Variants in CNBD1 observed in about 807,000 individuals in gnomAD.
CNBD1 encodes the protein cyclic nucleotide binding domain containing 1, also known as cyclic nucleotide-binding domain-containing protein 1.
CNBD1 carries 71 observed loss-of-function variants against 54.4 expected under a neutral mutation model. The ratio of observed to expected loss-of-function variants is 1.30; its 90% CI spans 1.08 to 1.59. The LOEUF (loss-of-function observed/expected upper bound fraction) is 1.59, where lower values mean the gene tolerates loss of function less well. Ranked by LOEUF, CNBD1 falls within the 40% of genes most tolerant of loss-of-function variation. The probability of loss-of-function intolerance (pLI) is 0.00; values close to 1 mark genes in which losing one functional copy is unlikely to be tolerated. For missense variants in CNBD1, 659 were observed against 518.0 expected (o/e 1.27, Z -2.64); for synonymous variants, 182 against 170.7 (o/e 1.07, Z -0.51).
chr8:86,938,536 CAA>C (rs1809591921), intron 3 of CNBD1, among the ~76,000 whole-genome samples: 2 of 152,196 alleles, frequency 1.3e-5, no homozygotes, highest in African/African-American at 2.4e-5. Flanking sequence ...GGCAAATGAG[CAA>C]AGTCATGTCT....
At chr8:86,991,260 C>A (rs912490499) in intron 4 of CNBD1, among the ~76,000 whole-genome samples, 1 of 152,056 alleles carries the variant, frequency 6.6e-6, no homozygotes, top group Non-Finnish European at 1.5e-5. Context: ...TATTCCAGAT[C>A]TTAAAGGAAA....
At chr8:87,160,171 T>C (rs1240698279) in intron 4 of CNBD1, among the ~76,000 whole-genome samples, 1 of 152,048 alleles carries the variant, frequency 6.6e-6, no homozygotes, top group African/African-American at 2.4e-5. Flanking sequence ...ATGGAAATAG[T>C]ATTGTGAAAA....
intron 8 of CNBD1, among the ~76,000 whole-genome samples, chr8:87,294,860 C>A: frequency 6.6e-6 from 1 of 152,018 alleles, no homozygotes; most frequent in East Asian, 1.9e-4. Context: ...TCTAAAGGTA[C>A]AAATTCAGAA....
chr8:86,941,165 A>C (rs963151411), intron 4 of CNBD1, among the ~76,000 whole-genome samples: 2 of 152,220 alleles, frequency 1.3e-5, no homozygotes, highest in African/African-American at 2.4e-5. Flanking sequence ...AACAAAAAGG[A>C]AACAATGAAT....
chr8:87,014,099 C>T (rs1289130949), intron 4 of CNBD1, among the ~76,000 whole-genome samples: 1 of 151,352 alleles, frequency 6.6e-6, no homozygotes, highest in Non-Finnish European at 1.5e-5. Flanking sequence ...ATATGAAGAG[C>T]TCTAATCAAC....
intron 6 of CNBD1, among the ~76,000 whole-genome samples, chr8:87,265,320 G>A (rs1410150580): frequency 6.6e-6 from 1 of 151,980 alleles, no homozygotes; most frequent in Non-Finnish European, 1.5e-5. Context: ...TAGATATGTG[G>A]CGTTATTTCT....
chr8:87,395,676 A>G (rs1004883515), intron 2 of CNBD1, among the ~76,000 whole-genome samples: 16 of 151,858 alleles, frequency 1.1e-4, no homozygotes, highest in East Asian at 5.8e-4. Flanking sequence ...AGTATTTCCC[A>G]TGCATTTTAG....
intron 4 of CNBD1, among the ~76,000 whole-genome samples, chr8:87,205,242 C>A (rs891751672): frequency 1.3e-5 from 2 of 152,062 alleles, no homozygotes; most frequent in African/African-American, 4.8e-5. Flanking sequence ...CCATGTTGGC[C>A]AGGATAGTCT....
intron 2 of CNBD1, among the ~76,000 whole-genome samples, chr8:87,408,319 G>T (rs1020544084): frequency 6.6e-6 from 1 of 151,794 alleles, no homozygotes; most frequent in African/African-American, 2.4e-5. Flanking sequence ...CTCCTGTGCT[G>T]TCTCCATTTC....
At chr8:87,266,028 A>C (rs1419916825) in intron 6 of CNBD1, among the ~76,000 whole-genome samples, 1 of 152,102 alleles carries the variant, frequency 6.6e-6, no homozygotes, top group Non-Finnish European at 1.5e-5. Context: ...AATATAGTAC[A>C]CTGTAAGCCA....
At chr8:87,087,275 G>GTATATATATATA (rs371657712) in intron 4 of CNBD1, among the ~76,000 whole-genome samples, 1 of 132,162 alleles carries the variant, frequency 7.6e-6, no homozygotes, top group Non-Finnish European at 1.6e-5. Flanking sequence ...ATATATATAC[G>GTATATATATATA]TATATATATA....
chr8:87,133,738 A>T (rs535045971), intron 4 of CNBD1, among the ~76,000 whole-genome samples: 3 of 152,054 alleles, frequency 2.0e-5, no homozygotes, highest in East Asian at 1.9e-4. Context: ...TGGATTTAAA[A>T]TTTTTTTTAT....
intron 10 of CNBD1, among the ~76,000 whole-genome samples, chr8:87,375,127 T>C (rs896455766): frequency 1.3e-5 from 2 of 151,904 alleles, no homozygotes; most frequent in African/African-American, 2.4e-5. Context: ...ATATACACTA[T>C]TGCATCTAAG....
intron 8 of CNBD1, among the ~76,000 whole-genome samples, chr8:87,298,268 A>T (rs763322537): frequency 1.5e-4 from 23 of 152,038 alleles, no homozygotes; most frequent in Non-Finnish European, 2.9e-4. Flanking sequence ...GATTCATGGT[A>T]TCATAAATTT....
chr8:86,945,531 G>A (rs1327549605), intron 4 of CNBD1, among the ~76,000 whole-genome samples: 1 of 152,140 alleles, frequency 6.6e-6, no homozygotes, highest in Non-Finnish European at 1.5e-5. Context: ...CTATATTTAA[G>A]GGCTGCATGC....
intron 4 of CNBD1, among the ~76,000 whole-genome samples, chr8:87,117,373 T>A (rs1176980341): frequency 7.3e-6 from 1 of 136,892 alleles, no homozygotes; most frequent in African/African-American, 2.8e-5. Context: ...CACTCCAGCC[T>A]GAGCAACAGA....
intron 8 of CNBD1, among the ~76,000 whole-genome samples, chr8:87,320,614 G>C (rs1249785731): frequency 7.7e-6 from 1 of 130,602 alleles, no homozygotes; most frequent in African/African-American, 3.3e-5. Flanking sequence ...GTGCACGTGT[G>C]TGTGTGGGGG....
At chr8:87,169,038 T>C (rs1362783868) in intron 4 of CNBD1, among the ~76,000 whole-genome samples, 6 of 152,046 alleles carry the variant, frequency 3.9e-5, no homozygotes, top group Admixed American at 1.3e-4. Flanking sequence ...CTACTTTACA[T>C]TCCCATTAAC....
At chr8:87,199,179 C>T (rs1813792862) in intron 4 of CNBD1, among the ~76,000 whole-genome samples, 1 of 152,070 alleles carries the variant, frequency 6.6e-6, no homozygotes, top group Non-Finnish European at 1.5e-5. Flanking sequence ...TGGGCAGGGA[C>T]AAATATCCAA....
Sources: gnomAD v4.1 joint callset for allele counts (sites outside exome capture counted in the v4.1 genomes callset) on GRCh38, gnomAD v4.1.1 for gene constraint, MANE v1.5 for transcripts, NCBI Gene and HGNC (gene_info 2026-07-23, HGNC 2026-07-21) for gene names.